Variants in STK32B observed in about 807,000 individuals in gnomAD.
The protein encoded by STK32B is serine/threonine-protein kinase 32B.
In STK32B, 43 loss-of-function variants were observed where a neutral mutation model predicts 52.6. That is an observed-to-expected ratio of 0.82 (90% confidence interval 0.64 to 1.05). STK32B has a LOEUF of 1.05. Ranked by LOEUF, STK32B falls within the 50% of genes least tolerant of loss-of-function variation. STK32B has a pLI of 0.00. For missense variants in STK32B, 621 were observed against 534.6 expected, an observed-to-expected ratio of 1.16 and a Z score of -1.59; for synonymous variants, 238 against 204.3, an observed-to-expected ratio of 1.17 and a Z score of -1.41.
intron 11 of STK32B, among the ~76,000 whole-genome samples, chr4:5,496,843 T>C (rs1282366320): frequency 2.0e-5 from 3 of 152,276 alleles, no homozygotes; most frequent in African/African-American, 7.2e-5. Context: ...AAAGTGATTT[T>C]ATTTCATTTC....
In STK32B at chr4:5,262,209, C is replaced by T. The variant is rs924667370; in HGVS notation, c.261-69011C>T. On this transcript the variant is annotated intron_variant, in intron 3 of 11. Transcript: ENST00000282908. The stretch of plus-strand genomic sequence containing the variant: ...GTTGCAGCTCAGAGGAAGAGCAGGT[C>T]CCATTGCCTGTCTGGAGCTGGCAGG... Among the ~76,000 whole-genome samples, 6 of 152,228 alleles carry T rather than the reference C, an allele frequency of 3.9e-5. 1 individual carries two copies. The South Asian group carries it at 6.2e-4, about 16-fold the overall frequency.
chr4:5,209,694 C>T (rs1391004693), intron 3 of STK32B, among the ~76,000 whole-genome samples: 3 of 152,192 alleles, frequency 2.0e-5, no homozygotes, highest in African/African-American at 7.2e-5. Context: ...ACACCAAGCA[C>T]CTCTGTGCTG....
At chr4:5,466,637 T>C in intron 9 of STK32B, 66 bp from the exon 10 acceptor site, 1 of 1,533,684 alleles carries the variant, frequency 6.5e-7, no homozygotes, top group Non-Finnish European at 8.8e-7. Context: ...GTTGAATTAA[T>C]GAAAAGAAAA....
chr4:5,352,745 G>A (rs574797538), intron 4 of STK32B, among the ~76,000 whole-genome samples: 313 of 151,346 alleles, frequency 2.1e-3, no homozygotes, highest in African/African-American at 7.4e-3. Context: ...ATCGAGTAAA[G>A]TGGCTAGATA....
intron 4 of STK32B, among the ~76,000 whole-genome samples, chr4:5,369,527 T>C (rs573912670): frequency 6.6e-6 from 1 of 152,230 alleles, no homozygotes; most frequent in South Asian, 2.1e-4. Flanking sequence ...TGCAGGCAGC[T>C]CTGATGTCTA....
chr4:5,141,201 C>G (rs764095405), intron 2 of STK32B, among the ~76,000 whole-genome samples: 2 of 152,226 alleles, frequency 1.3e-5, no homozygotes, highest in African/African-American at 4.8e-5. Context: ...ATTGGAAGCT[C>G]AGGTTATGAC....
At chr4:5,189,911 C>T (rs1721043545) in intron 3 of STK32B, among the ~76,000 whole-genome samples, 1 of 152,092 alleles carries the variant, frequency 6.6e-6, no homozygotes, top group Admixed American at 6.5e-5. Flanking sequence ...GCATTTTTAC[C>T]ACTCTATTCC....
At chr4:5,471,384 C>T (rs1002159549) in intron 11 of STK32B, among the ~76,000 whole-genome samples, 10 of 151,950 alleles carry the variant, frequency 6.6e-5, no homozygotes, top group Middle Eastern at 3.4e-3. Flanking sequence ...GAGAAGGCCA[C>T]GGGAAGATTG....
chr4:5,311,275 T>G (rs756681437), intron 3 of STK32B, among the ~76,000 whole-genome samples: 1 of 152,218 alleles, frequency 6.6e-6, no homozygotes, highest in Non-Finnish European at 1.5e-5. Flanking sequence ...ATGATGCTTA[T>G]GCTAATTACT....
upstream of STK32B, among the ~76,000 whole-genome samples, chr4:5,048,752 C>G (rs1044442088): frequency 6.6e-6 from 1 of 152,264 alleles, no homozygotes; most frequent in South Asian, 2.1e-4. Flanking sequence ...AATCTTAGGT[C>G]TTTGCACTTC....
intron 3 of STK32B, among the ~76,000 whole-genome samples, chr4:5,300,189 CA>C (rs1729465254): frequency 6.6e-6 from 1 of 152,108 alleles, no homozygotes; most frequent in East Asian, 1.9e-4. Flanking sequence ...ACCATATGAT[CA>C]TCTCAATAGA....
At chr4:5,323,180 G>T (rs1039719895) in intron 3 of STK32B, among the ~76,000 whole-genome samples, 1 of 152,158 alleles carries the variant, frequency 6.6e-6, no homozygotes, top group Non-Finnish European at 1.5e-5. Context: ...TCCACTTCAT[G>T]CTAACAGTCA....
chr4:5,258,540 C>T (rs956952758), intron 3 of STK32B, among the ~76,000 whole-genome samples: 1 of 152,160 alleles, frequency 6.6e-6, no homozygotes, highest in Non-Finnish European at 1.5e-5. Context: ...CAGAACTGCT[C>T]CATTCTCCCC....
At chr4:5,328,243 C>T (rs74406251) in intron 3 of STK32B, among the ~76,000 whole-genome samples, 10,781 of 152,246 alleles carry the variant, frequency 0.071, 682 homozygotes, top group African/African-American at 0.17. Flanking sequence ...GTCTTACATG[C>T]GTTCATTGGA....
intron 3 of STK32B, among the ~76,000 whole-genome samples, chr4:5,257,038 A>T (rs1332372414): frequency 4.6e-4 from 70 of 150,604 alleles, no homozygotes; most frequent in African/African-American, 1.7e-3. Context: ...TGGATGAATA[A>T]GTGAATGAGT....
At chr4:5,369,498 A>G (rs1735090621) in intron 4 of STK32B, among the ~76,000 whole-genome samples, 1 of 152,098 alleles carries the variant, frequency 6.6e-6, no homozygotes, top group Non-Finnish European at 1.5e-5. Flanking sequence ...CAGGGGACAG[A>G]ATGCAAATCA....
the STK32B span, among the ~76,000 whole-genome samples, chr4:5,043,956 T>C: frequency 6.6e-6 from 1 of 152,238 alleles, no homozygotes; most frequent in African/African-American, 2.4e-5. Flanking sequence ...AGTCCAGCCA[T>C]TGCCTCCACA....
intron 5 of STK32B, among the ~76,000 whole-genome samples, chr4:5,408,015 G>C (rs980163141): frequency 1.3e-5 from 2 of 152,142 alleles, no homozygotes; most frequent in African/African-American, 4.8e-5. Context: ...CTCTGAACCA[G>C]GAAGCAGGCC....
At chr4:5,242,229 T>C (rs552877006) in intron 3 of STK32B, among the ~76,000 whole-genome samples, 37 of 152,266 alleles carry the variant, frequency 2.4e-4, no homozygotes, top group Middle Eastern at 3.4e-3. Context: ...CACATCCTCT[T>C]CAGCACCTGT....
Sources: allele counts gnomAD v4.1 joint callset (sites outside exome capture counted in the v4.1 genomes callset), GRCh38; gene constraint gnomAD v4.1.1; transcripts MANE v1.5; gene names NCBI Gene and HGNC (gene_info 2026-07-23, HGNC 2026-07-21).